The following PPP3CC variants were observed in gnomAD, a reference collection of about 807,000 sequenced individuals.
PPP3CC encodes protein phosphatase 3 catalytic subunit gamma.
In PPP3CC, 35 loss-of-function variants were observed where a neutral mutation model predicts 60.3. The observed-to-expected ratio is 0.58, with a 90% CI of 0.44 to 0.77. The LOEUF is 0.77. Ranked by LOEUF, PPP3CC falls within the 30% of genes least tolerant of loss-of-function variation. PPP3CC has a pLI of 0.00. For synonymous variants in PPP3CC, 206 were observed against 224.3 expected (o/e 0.92, Z 0.73); for missense variants, 570 against 628.9 (o/e 0.91, Z 1.00).
Position 22,530,126 on chromosome 8 carries a change from A to G in PPP3CC, c.1141+1549A>G, listed in dbSNP as rs184610066. On this transcript the variant is annotated intron_variant, in intron 10 of 13. Coordinates refer to ENST00000240139, the MANE Select transcript of PPP3CC (RefSeq NM_005605.5). ...TCTGCACTCATGCTTCAGGTTCCGC[A>G]CTGAAGATCAACAGCATATGCAAGA... Among the ~76,000 whole-genome samples, 3 of 152,332 alleles carry G rather than the reference A, an allele frequency of 2.0e-5. No individual in the cohort carries two copies. The South Asian group carries it at 6.2e-4, about 32-fold the overall frequency.
At chr8:22,491,827 G>T (rs1464079936) in intron 3 of PPP3CC, among the ~76,000 whole-genome samples, 1 of 152,070 alleles carries the variant, frequency 6.6e-6, no homozygotes, top group East Asian at 1.9e-4. Context: ...ACTCCTTGTG[G>T]TATAGTACAG....
intron 1 of PPP3CC, among the ~76,000 whole-genome samples, chr8:22,471,391 C>T (rs1837716536): frequency 6.6e-6 from 1 of 150,686 alleles, no homozygotes; most frequent in African/African-American, 2.4e-5. Context: ...AGAAATGTGT[C>T]ATGAGATGAC....
intron 3 of PPP3CC, among the ~76,000 whole-genome samples, chr8:22,482,905 G>A (rs770841183): frequency 6.6e-6 from 1 of 152,086 alleles, no homozygotes; most frequent in Admixed American, 6.6e-5. Context: ...CATAACAGTC[G>A]AGTTAGAATA....
chr8:22,531,595 G>A (rs1459210804), intron 10 of PPP3CC, among the ~76,000 whole-genome samples: 1 of 151,950 alleles, frequency 6.6e-6, no homozygotes, highest in East Asian at 1.9e-4. Context: ...CTCATGTGTG[G>A]GCTATTTTCA....
intron 4 of PPP3CC, among the ~76,000 whole-genome samples, chr8:22,499,366 G>A (rs1838694202): frequency 1.3e-5 from 2 of 150,528 alleles, no homozygotes; most frequent in South Asian, 2.1e-4. Context: ...GTGAACCCGG[G>A]AAGCGGAGCT....
intron 10 of PPP3CC, among the ~76,000 whole-genome samples, chr8:22,530,829 C>CAAAAAAAAAA (rs58626647): frequency 5.2e-5 from 3 of 58,034 alleles, no homozygotes; most frequent in African/African-American, 1.6e-4. Flanking sequence ...AGACTCATCT[C>CAAAAAAAAAA]AAAAAAAAAA....
intron 12 of PPP3CC, among the ~76,000 whole-genome samples, chr8:22,539,234 A>G (rs1015400603): frequency 6.7e-6 from 1 of 148,272 alleles, no homozygotes; most frequent in African/African-American, 2.5e-5. Flanking sequence ...GCAATGTTCC[A>G]TGGCACCTGA....
In PPP3CC at chr8:22,488,177, GAA is replaced by G. The variant is rs374316893; in HGVS notation, c.373-9821_373-9820del. On this transcript the variant is annotated intron_variant, in intron 3 of 13. Transcript: ENST00000240139. ...TTCTTGGTTGGGAAAGGTAGGTATAGAAAAGAGAAGTGCATTCTAAATTTGTA... is the reference window on the plus strand; with the variant it reads ...TTCTTGGTTGGGAAAGGTAGGTATAGAAGAGAAGTGCATTCTAAATTTGTA... Among the ~76,000 whole-genome samples the G allele has an allele frequency of 2.5e-3, 384 of 152,240 alleles. 2 individuals carry two copies. Among genetic ancestry groups the G allele is most frequent in the African/African-American group, 8.8e-3 (365 of 41,538 alleles).
chr8:22,489,738 A>G (rs994008673), intron 3 of PPP3CC, among the ~76,000 whole-genome samples: 68 of 43,910 alleles, frequency 1.5e-3, no homozygotes, highest in African/African-American at 4.9e-3. Context: ...TATATATATA[A>G]TAAGTATATA....
intron 3 of PPP3CC, among the ~76,000 whole-genome samples, chr8:22,479,134 T>C (rs927718635): frequency 2.0e-5 from 3 of 152,110 alleles, no homozygotes; most frequent in Non-Finnish European, 4.4e-5. Flanking sequence ...TGAAAAATAA[T>C]TTTTTAATAA....
intron 8 of PPP3CC, among the ~76,000 whole-genome samples, chr8:22,525,807 G>GCCCA (rs1839544967): frequency 6.7e-6 from 1 of 149,608 alleles, no homozygotes. Flanking sequence ...CAGTCCTCCT[G>GCCCA]CCTCGGCCTC....
At chr8:22,487,330 T>C (rs1373315387) in intron 3 of PPP3CC, among the ~76,000 whole-genome samples, 2 of 152,122 alleles carry the variant, frequency 1.3e-5, no homozygotes, top group African/African-American at 4.8e-5. Context: ...TTTGTACCTA[T>C]TACAAAATGC....
intron 12 of PPP3CC, among the ~76,000 whole-genome samples, chr8:22,533,689 G>A (rs905360842): frequency 6.6e-6 from 1 of 152,072 alleles, no homozygotes. Context: ...GCCAGGTGTG[G>A]TGGTGGGCAC....
intron 6 of PPP3CC, among the ~76,000 whole-genome samples, chr8:22,519,628 A>G (rs1425466637): frequency 6.6e-6 from 1 of 152,172 alleles, no homozygotes; most frequent in Non-Finnish European, 1.5e-5. Flanking sequence ...TTTAGTCCCC[A>G]TTCACACACC....
At chr8:22,450,850 T>G (rs867317877) in intron 1 of PPP3CC, among the ~76,000 whole-genome samples, 2 of 129,856 alleles carry the variant, frequency 1.5e-5, no homozygotes, top group African/African-American at 5.8e-5. Flanking sequence ...TTTATTTATT[T>G]ATTGAGACGG....
intron 6 of PPP3CC, among the ~76,000 whole-genome samples, chr8:22,520,639 G>T (rs972319027): frequency 6.6e-6 from 1 of 151,950 alleles, no homozygotes; most frequent in African/African-American, 2.4e-5. Flanking sequence ...GTATTCTTCA[G>T]CTCCAGGATT....
At chr8:22,478,233 C>A (rs563680818) in intron 3 of PPP3CC, among the ~76,000 whole-genome samples, 5 of 151,664 alleles carry the variant, frequency 3.3e-5, no homozygotes, top group African/African-American at 1.2e-4. Context: ...CTCAGTGCAA[C>A]CTATGCCTCC....
intron 4 of PPP3CC, among the ~76,000 whole-genome samples, chr8:22,503,342 A>C (rs955436029): frequency 1.3e-5 from 2 of 152,224 alleles, no homozygotes; most frequent in Non-Finnish European, 1.5e-5. Flanking sequence ...TTACCTGGGA[A>C]AATTAAATAA....
intron 4 of PPP3CC, among the ~76,000 whole-genome samples, chr8:22,500,375 G>A (rs1838727133): frequency 6.6e-6 from 1 of 151,694 alleles, no homozygotes; most frequent in African/African-American, 2.4e-5. Flanking sequence ...GTGTTCATAT[G>A]GTTGATATTT....
Sources: gnomAD v4.1 joint callset for allele counts (sites outside exome capture counted in the v4.1 genomes callset) on GRCh38, gnomAD v4.1.1 for gene constraint, MANE v1.5 for transcripts, NCBI Gene and HGNC (gene_info 2026-07-23, HGNC 2026-07-21) for gene names.